The following PCDHGA7 variants were observed in gnomAD, a reference collection of about 807,000 sequenced individuals.
PCDHGA7 encodes the protein protocadherin gamma-A7.
PCDHGA7 carries 44 observed loss-of-function variants against 58.3 expected under a neutral mutation model. The observed-to-expected ratio is 0.75, with a 90% CI of 0.59 to 0.97. The LOEUF (loss-of-function observed/expected upper bound fraction) is 0.97, where lower values mean the gene tolerates loss of function less well. Among genes scored for constraint, PCDHGA7 ranks in the 50% least tolerant of loss-of-function variants. The pLI is 0.00. For synonymous variants in PCDHGA7, 516 were observed against 504.2 expected (o/e 1.02, Z -0.31); for missense variants, 1,266 against 1,188.7 (o/e 1.06, Z -0.96).
intron 1 of PCDHGA7, among the ~76,000 whole-genome samples, chr5:141,438,579 CATACATACATACATATATATAT>C (rs1356926315): frequency 3.6e-5 from 2 of 55,782 alleles, no homozygotes; most frequent in Non-Finnish European, 6.0e-5. Context: ...GATATACATA[CATACATACATACATATATATAT>C]ATATATATAT....
rs765263628 is a variant in PCDHGA7, at chr5:141,385,218, C to G, written c.2319C>G (p.Pro773=). The part of the protein sequence containing the change: ...SRKSHLIFPQ[P]NYVDMLISQE... The stretch of plus-strand genomic sequence containing the variant: ...AGAGTCACCTGATCTTCCCCCAGCC[C>G]AACTATGTAGACATGCTCATCAGCC... The change falls in exon 1 of 4, where the codon CCC becomes CCG. Residue 773 remains proline, a synonymous_variant. Transcript: ENST00000518325. 6.2e-7 allele frequency: 1 copy of G among 1,614,234 alleles called. No individual in the cohort carries two copies. The highest frequency in any genetic ancestry group is 1.1e-5 in the South Asian group (1 of 91,092).
At position 141,489,437 on chromosome 5, in the gene PCDHGA7, T is replaced by C; in HGVS notation, c.2425-5370T>C. The C allele has an allele frequency of 6.2e-7, 1 of 1,614,110 alleles. No individual in the cohort carries two copies. Among genetic ancestry groups the C allele is most frequent in the Non-Finnish European group, 8.5e-7 (1 of 1,180,020 alleles). ...GATCTGTTGAGCCGGCGGCTGCAATTGGGCTCTGAGGAGAATGGGCGCTAT... is the reference window on the plus strand; with the variant it reads ...GATCTGTTGAGCCGGCGGCTGCAATCGGGCTCTGAGGAGAATGGGCGCTAT... On this transcript the variant is annotated intron_variant, in intron 1 of 3. Transcript: ENST00000518325. This position sits in a 1 kb window ranked among gnomAD's most constrained non-coding sequence, Gnocchi z 4.5.
At chr5:141,418,536 C>G (rs1196331424) in intron 1 of PCDHGA7, 6 of 1,614,026 alleles carry the variant, frequency 3.7e-6, no homozygotes, top group South Asian at 1.1e-5. Flanking sequence ...AGCGGTACTG[C>G]TCAGATAAGA....
At chr5:141,418,632 G>A in intron 1 of PCDHGA7, 1 of 1,614,028 alleles carries the variant, frequency 6.2e-7, no homozygotes, top group Non-Finnish European at 8.5e-7. Flanking sequence ...GTGCCTCCAG[G>A]CACCTCCATC....
At chr5:141,478,920 C>A (rs559060283) in intron 1 of PCDHGA7, 1 of 728,392 alleles carries the variant, frequency 1.4e-6, no homozygotes. Context: ...ATACCTCTAA[C>A]CAGTGGCAGC....
intron 1 of PCDHGA7, chr5:141,402,830 G>A: frequency 7.4e-7 from 1 of 1,346,490 alleles, no homozygotes; most frequent in Non-Finnish European, 9.8e-7. Flanking sequence ...CTCCCAGGCT[G>A]CAGCAAAACT....
At chr5:141,441,757 G>A (rs1423867327) in intron 1 of PCDHGA7, 2 of 381,638 alleles carry the variant, frequency 5.2e-6, no homozygotes, top group Middle Eastern at 6.5e-4. Context: ...GTCAACGTGA[G>A]CCTGCGCGTG....
intron 2 of PCDHGA7, among the ~76,000 whole-genome samples, chr5:141,500,666 G>A (rs567881941): frequency 3.6e-4 from 55 of 152,250 alleles, no homozygotes; most frequent in African/African-American, 1.3e-3. Context: ...AGGCCATACT[G>A]TCCAACAGAA....
At chr5:141,417,384 GAAGA>G (rs2096114648) in intron 1 of PCDHGA7, 1 of 154,070 alleles carries the variant, frequency 6.5e-6, no homozygotes, top group African/African-American at 2.4e-5. Context: ...TTTAAATTTT[GAAGA>G]AAAAATATTC....
chr5:141,431,968 T>G lies in PCDHGA7; in HGVS notation c.2424+46645T>G, dbSNP rs571981127. 6.2e-7 allele frequency: 1 copy of G among 1,614,190 alleles called. No individual in the cohort carries two copies. Among genetic ancestry groups the G allele is most frequent in the Admixed American group, 1.7e-5 (1 of 60,024 alleles). On this transcript the variant is annotated intron_variant, in intron 1 of 3. Coordinates refer to ENST00000518325, the MANE Select transcript of PCDHGA7 (RefSeq NM_018920.4). The surrounding 1 kb of genome is among the most constrained non-coding windows in gnomAD (Gnocchi z 4.8). ...AAAAATCTTACGGAAATTACTATAGTTTAGTCACAGACATAGTCTTGGATA... is the reference window on the plus strand; with the variant it reads ...AAAAATCTTACGGAAATTACTATAGGTTAGTCACAGACATAGTCTTGGATA...
At chr5:141,394,434 C>T in intron 1 of PCDHGA7, 1 of 1,614,248 alleles carries the variant, frequency 6.2e-7, no homozygotes, top group South Asian at 1.1e-5. Context: ...CGGGGACCCG[C>T]CCCTCAGCAG....
At chr5:141,502,621 A>G (rs918589202) in intron 2 of PCDHGA7, among the ~76,000 whole-genome samples, 3 of 152,162 alleles carry the variant, frequency 2.0e-5, no homozygotes, top group African/African-American at 7.2e-5. Context: ...AAATATAAGT[A>G]ATCTGTGGAT....
rs1481900327 is a variant in PCDHGA7, at chr5:141,383,173, C to A, written c.274C>A (p.Arg92=). The A allele has an allele frequency of 1.2e-6, 2 of 1,614,064 alleles. No homozygotes were observed. The highest frequency in any genetic ancestry group is 1.1e-5 in the South Asian group (1 of 91,088). The change falls in exon 1 of 4, where the codon CGG becomes AGG. Residue 92 remains arginine, a synonymous_variant. Transcript: ENST00000518325. The part of the protein sequence containing the change: ...GSLVTAGRID[R]EEICAQSARC... Reference sequence around the variant, plus strand: ...CTTGGTCACTGCGGGCAGGATAGACCGGGAAGAGATCTGCGCTCAGAGTGC... The same window carrying A: ...CTTGGTCACTGCGGGCAGGATAGACAGGGAAGAGATCTGCGCTCAGAGTGC...
chr5:141,489,994 C>A lies in PCDHGA7; in HGVS notation c.2425-4813C>A, dbSNP rs1307285048. The A allele has an allele frequency of 1.2e-5, 19 of 1,614,192 alleles. No individual in the cohort carries two copies. The highest frequency in any genetic ancestry group is 1.6e-4 in the Middle Eastern group (1 of 6,062). On this transcript the variant is annotated intron_variant, in intron 1 of 3. Transcript: ENST00000518325. This position sits in a 1 kb window ranked among gnomAD's most constrained non-coding sequence, Gnocchi z 4.5. Reference sequence around the variant, plus strand: ...ATCCTCAGTTCTACGTGTGGGAATCCCAGAGAATGCACCCATTGGTACTCT... The same window carrying A: ...ATCCTCAGTTCTACGTGTGGGAATCACAGAGAATGCACCCATTGGTACTCT...
In PCDHGA7 at chr5:141,487,819, C is replaced by A; in HGVS notation, c.2425-6988C>A. 2.3e-6 allele frequency: 3 copies of A among 1,285,528 alleles called. No homozygotes were observed. Among genetic ancestry groups the A allele is most frequent in the Non-Finnish European group, 3.2e-6 (3 of 932,998 alleles). 79.6% of individuals were successfully genotyped at this position (1,285,528 alleles called of 1,614,324 possible). On this transcript the variant is annotated intron_variant, in intron 1 of 3. Transcript: ENST00000518325. This position sits in a 1 kb window ranked among gnomAD's most constrained non-coding sequence, Gnocchi z 5.0. ...AGTTGTCACAGTTTAGCATTGGGGG[C>A]GGGTCATGCCTATATCTGAGTAAGA...
In PCDHGA7 at chr5:141,485,318, G is replaced by A. The variant is rs1318256454; in HGVS notation, c.2425-9489G>A. On this transcript the variant is annotated intron_variant, in intron 1 of 3. Transcript: ENST00000518325. The surrounding 1 kb of genome is among the most constrained non-coding windows in gnomAD (Gnocchi z 5.7). ...GGAAGGGACTTTTGTAGGGAATGTC[G>A]CTCAAGATTTCCTGCTGGATACGGA... 3 of 1,614,142 alleles carry A rather than the reference G, an allele frequency of 1.9e-6. No homozygotes were observed. The highest frequency in any genetic ancestry group is 2.5e-6 in the Non-Finnish European group (3 of 1,180,006).
chr5:141,419,945 T>C (rs2096451536), intron 1 of PCDHGA7: 4 of 1,614,088 alleles, frequency 2.5e-6, no homozygotes, highest in Middle Eastern at 1.6e-4. Context: ...GGTGGTGGCC[T>C]TGGCCTTGAT....
intron 1 of PCDHGA7, chr5:141,441,726 C>A: frequency 2.8e-6 from 1 of 353,524 alleles, no homozygotes; most frequent in Non-Finnish European, 5.6e-6. Flanking sequence ...GGCCCGCGAC[C>A]AGGACTAGCT....
At chr5:141,388,622 A>G (rs754411917) in intron 1 of PCDHGA7, 3 of 1,613,952 alleles carry the variant, frequency 1.9e-6, no homozygotes, top group South Asian at 1.1e-5. Flanking sequence ...GTCAAGACGT[A>G]TACAGGGTGA....
Sources: gnomAD v4.1 joint callset for allele counts (sites outside exome capture counted in the v4.1 genomes callset) on GRCh38, gnomAD v4.1.1 for gene constraint, Gnocchi (gnomAD v3.1) non-coding constraint, MANE v1.5 for transcripts, NCBI Gene and HGNC (gene_info 2026-07-23, HGNC 2026-07-21) for gene names.